The following DTNA variants were observed in gnomAD, a reference collection of about 807,000 sequenced individuals.
DTNA encodes dystrobrevin alpha.
In DTNA, 43 loss-of-function variants were observed where a neutral mutation model predicts 100.7. That is an observed-to-expected ratio of 0.43 (90% CI 0.33 to 0.55). The LOEUF is 0.55. Among genes scored for constraint, DTNA ranks in the 20% least tolerant of loss-of-function variants. The pLI, the probability that DTNA is intolerant of heterozygous loss-of-function variation, is 0.04. For synonymous variants in DTNA, 349 were observed against 347.9 expected (o/e 1.00, Z -0.04); for missense variants, 798 against 953.9 (o/e 0.84, Z 2.15).
In DTNA at chr18:34,493,979, G is replaced by A. The variant is rs1244979263; in HGVS notation, c.-2+465G>A. ...CTCAGGCCCGCGGGGCGGCGGTAGC[G>A]GCTGCTGCAGGATGTCCGGCCCGGG... On this transcript the variant is annotated intron_variant, in intron 1 of 19. Coordinates refer to the DTNA transcript ENST00000283365. 2.0e-5 allele frequency: 3 copies of A among 149,238 alleles called. No homozygotes were observed. The East Asian group carries it at 6.0e-4, about 30-fold the overall frequency. The allele number at this position is 149,238 out of a possible 1,614,324, so 9.2% of individuals were successfully genotyped here. A position where few individuals can be genotyped will look rare whatever the true frequency, so the allele number is the denominator to read the frequency against.
In DTNA at chr18:34,555,990, A is replaced by T. The variant is rs531346475; in HGVS notation, c.-2+62476A>T. On this transcript the variant is annotated intron_variant, in intron 1 of 19. Transcript: ENST00000283365. ...TGGGGTGTTAAAGTCTCCCATTATT[A>T]ATGTGTGGGAGTCTAAGTCTCTTTG... Among the ~76,000 whole-genome samples, 519 of 149,710 alleles carry T rather than the reference A, an allele frequency of 3.5e-3. 4 individuals are homozygous for T. Among genetic ancestry groups the T allele is most frequent in the African/African-American group, 0.012 (490 of 40,898 alleles).
intron 1 of DTNA, among the ~76,000 whole-genome samples, chr18:34,665,618 C>T (rs1371854108): frequency 1.3e-5 from 2 of 152,116 alleles, no homozygotes; most frequent in Non-Finnish European, 2.9e-5. Context: ...GTTCCCCTTC[C>T]TGTGTCCATG....
chr18:34,571,740 A>G (rs1456928594), intron 1 of DTNA, among the ~76,000 whole-genome samples: 1 of 152,176 alleles, frequency 6.6e-6, no homozygotes, highest in East Asian at 1.9e-4. Flanking sequence ...ACTCTCTGCA[A>G]AGGGTCCTGC....
intron 1 of DTNA, among the ~76,000 whole-genome samples, chr18:34,606,686 TTATA>T (rs1420650897): frequency 2.0e-5 from 3 of 152,126 alleles, no homozygotes; most frequent in African/African-American, 7.2e-5. Context: ...AAGGTGATGC[TTATA>T]TTGGATCTTA....
rs148430327 is a variant in DTNA, at chr18:34,671,688, C to CT, written c.-1-84281dup. Among the ~76,000 whole-genome samples, 742 of 152,268 alleles carry CT rather than the reference C, an allele frequency of 4.9e-3. 9 individuals carry two copies. The highest frequency in any genetic ancestry group is 0.017 in the African/African-American group (688 of 41,560). ...GTAACTGATAGAGTTCCTACAAAATCTTTTTTTATTTTGCCTTTTTGTTCT... is the reference window on the plus strand; with the variant it reads ...GTAACTGATAGAGTTCCTACAAAATCTTTTTTTTATTTTGCCTTTTTGTTCT... On this transcript the variant is annotated intron_variant, in intron 1 of 19. Transcript: ENST00000283365.
At chr18:34,688,448 T>A (rs183482741) in intron 1 of DTNA, among the ~76,000 whole-genome samples, 3 of 152,334 alleles carry the variant, frequency 2.0e-5, no homozygotes, top group Admixed American at 2.0e-4. Context: ...ATTCTTTTCT[T>A]TAAGAATGTC....
At chr18:34,759,320 GT>G (rs1049866671) in intron 2 of DTNA, among the ~76,000 whole-genome samples, 4 of 152,128 alleles carry the variant, frequency 2.6e-5, no homozygotes, top group African/African-American at 9.7e-5. Context: ...CTCCTTTTCT[GT>G]TGTTTTACTC....
rs2096943065 is a variant in DTNA, at chr18:34,888,650, A to G, written c.*916A>G. The G allele has an allele frequency of 3.0e-6, 3 of 985,880 alleles. No homozygotes were observed. The highest frequency in any genetic ancestry group is 3.6e-6 in the Non-Finnish European group (3 of 829,932). The allele number at this position is 985,880 out of a possible 1,614,324, so 61.1% of individuals were successfully genotyped here. ...TGAACTATGTTTTGAAATACTCGTT[A>G]CTAAAGCTGTTTATAAACCACAGGT... On this transcript the variant is annotated 3_prime_UTR_variant, in exon 23 of 23. Coordinates refer to ENST00000444659, the MANE Select transcript of DTNA (RefSeq NM_001386795.1).
Position 34,503,545 on chromosome 18 carries a change from A to C in DTNA, c.-2+10031A>C, listed in dbSNP as rs540388070. 5.9e-5 allele frequency among the ~76,000 whole-genome samples: 9 copies of C among 151,910 alleles called. No individual in the cohort carries two copies. In the South Asian group the frequency reaches 1.9e-3, roughly 32 times the overall value. On this transcript the variant is annotated intron_variant, in intron 1 of 19. Coordinates refer to the DTNA transcript ENST00000283365. ...GTGATCTGCCCACCTCAGCCTCCCA[A>C]AGCGCTGGGATTATAGGCGTGAGCC...
At chr18:34,769,654 C>CT (rs2093658166) in intron 3 of DTNA, among the ~76,000 whole-genome samples, 1 of 150,850 alleles carries the variant, frequency 6.6e-6, no homozygotes, top group Non-Finnish European at 1.5e-5. Context: ...GGAGGGCAGC[C>CT]TTCTGGTTCA....
chr18:34,796,779 A>T (rs138795706), intron 4 of DTNA, among the ~76,000 whole-genome samples: 76 of 152,294 alleles, frequency 5.0e-4, no homozygotes, highest in African/African-American at 1.8e-3. Flanking sequence ...GGGGGAGGGG[A>T]TGGTGCCTTA....
At chr18:34,861,485 CAAAAAAAAAAAA>C (rs11329850) in intron 16 of DTNA, among the ~76,000 whole-genome samples, 45 of 77,966 alleles carry the variant, frequency 5.8e-4, no homozygotes, top group Non-Finnish European at 6.7e-4. Context: ...GACTCCGTCT[CAAAAAAAAAAAA>C]AAAAAAAAAA....
chr18:34,846,176 C>T (rs1603200017), intron 13 of DTNA, among the ~76,000 whole-genome samples: 1 of 152,048 alleles, frequency 6.6e-6, no homozygotes, highest in African/African-American at 2.4e-5. Flanking sequence ...CCCACCCTCC[C>T]AACCTCCCCT....
intron 1 of DTNA, among the ~76,000 whole-genome samples, chr18:34,681,694 CA>C (rs1326248241): frequency 2.1e-5 from 3 of 139,646 alleles, no homozygotes; most frequent in African/African-American, 8.4e-5. Context: ...CCCCTATACA[CA>C]ACACACACAC....
chr18:34,827,505 A>G lies in DTNA; in HGVS notation c.1002-88A>G, dbSNP rs1397275681. ...GGAAAGGTAGAACCCAGATCTTCCCATCCCGTTTCCTGGAGGGATGAGGGA... is the reference window on the plus strand; with the variant it reads ...GGAAAGGTAGAACCCAGATCTTCCCGTCCCGTTTCCTGGAGGGATGAGGGA... On this transcript the variant is annotated intron_variant, in intron 9 of 22. Coordinates refer to ENST00000444659, the MANE Select transcript of DTNA (RefSeq NM_001386795.1). 8.2e-6 allele frequency: 10 copies of G among 1,218,040 alleles called. No individual in the cohort carries two copies. In the East Asian group the frequency reaches 2.3e-4, roughly 28 times the overall value. 75.5% of individuals were successfully genotyped at this position (1,218,040 alleles called of 1,614,324 possible).
chr18:34,566,609 C>T (rs999599295), intron 1 of DTNA, among the ~76,000 whole-genome samples: 1 of 152,176 alleles, frequency 6.6e-6, no homozygotes, highest in African/African-American at 2.4e-5. Context: ...TTGTTAGAGC[C>T]GCTGTGCTGG....
At chr18:34,588,691 G>GTGTGTGTGCATGTGTGTGTGTGTA (rs1426278365) in intron 1 of DTNA, among the ~76,000 whole-genome samples, 1 of 151,916 alleles carries the variant, frequency 6.6e-6, no homozygotes, top group African/African-American at 2.4e-5. Context: ...ATTATAGTGT[G>GTGTGTGTGCATGTGTGTGTGTGTA]TGTGTGTGTG....
At chr18:34,675,737 A>T (rs545768139) in intron 1 of DTNA, among the ~76,000 whole-genome samples, 1 of 152,202 alleles carries the variant, frequency 6.6e-6, no homozygotes, top group South Asian at 2.1e-4. Context: ...AAAAATCCAA[A>T]CTTCTTAGAT....
At chr18:34,806,078 G>T in intron 4 of DTNA, 141 bp from the exon 5 acceptor site, 1 of 689,728 alleles carries the variant, frequency 1.4e-6, no homozygotes, top group Non-Finnish European at 2.5e-6. Flanking sequence ...AAATGGATGT[G>T]CCCACATAAG....
Sources: allele counts gnomAD v4.1 joint callset (sites outside exome capture counted in the v4.1 genomes callset), GRCh38; gene constraint gnomAD v4.1.1; transcripts MANE v1.5; gene names NCBI Gene and HGNC (gene_info 2026-07-23, HGNC 2026-07-21).